BABAM2: variants seen among roughly 807,000 people sequenced by gnomAD.
BABAM2 encodes the protein BRISC and BRCA1-A complex member 2.
BABAM2 carries 31 observed loss-of-function variants against 54.7 expected under a neutral mutation model. The ratio of observed to expected loss-of-function variants is 0.57; its 90% CI spans 0.43 to 0.77. BABAM2 has a LOEUF of 0.77. BABAM2 is among the 30% of genes least tolerant of loss of function. BABAM2 has a pLI of 0.00. For synonymous variants in BABAM2, 167 were observed against 162.9 expected (o/e 1.03, Z -0.19); for missense variants, 364 against 455.8 (o/e 0.80, Z 1.83).
chr2:28,303,738 T>A (rs1449384412), intron 11 of BABAM2, among the ~76,000 whole-genome samples: 3 of 151,928 alleles, frequency 2.0e-5, no homozygotes, highest in Non-Finnish European at 4.4e-5. Flanking sequence ...AGCCTGCTGA[T>A]CAACAAGGGA....
chr2:28,331,665 C>T (rs1308831463), intron 11 of BABAM2, among the ~76,000 whole-genome samples: 2 of 152,116 alleles, frequency 1.3e-5, no homozygotes, highest in Admixed American at 6.5e-5. Flanking sequence ...AGTCAAGAAA[C>T]AATAGATGCC....
chr2:28,026,876 A>ATT (rs1675799499), intron 5 of BABAM2, among the ~76,000 whole-genome samples: 3 of 56,174 alleles, frequency 5.3e-5, no homozygotes, highest in African/African-American at 1.8e-4. Flanking sequence ...ATATATATTT[A>ATT]TATATATATA....
At chr2:28,042,951 G>T (rs914213975) in intron 5 of BABAM2, among the ~76,000 whole-genome samples, 10 of 151,820 alleles carry the variant, frequency 6.6e-5, no homozygotes, top group African/African-American at 2.4e-4. Context: ...GTGAACCCAG[G>T]AGGTGGAGCT....
At chr2:27,916,373 GA>G (rs1558584172) in intron 2 of BABAM2, among the ~76,000 whole-genome samples, 1 of 152,168 alleles carries the variant, frequency 6.6e-6, no homozygotes, top group Non-Finnish European at 1.5e-5. Context: ...TTGAATGTAT[GA>G]AAATGGTATT....
intron 11 of BABAM2, among the ~76,000 whole-genome samples, chr2:28,326,028 C>T (rs917124288): frequency 1.3e-5 from 2 of 152,238 alleles, no homozygotes; most frequent in African/African-American, 4.8e-5. Context: ...GCGCACAAAC[C>T]TCGGAGCACT....
chr2:28,311,918 C>T (rs370943883), intron 11 of BABAM2, among the ~76,000 whole-genome samples: 31 of 152,308 alleles, frequency 2.0e-4, no homozygotes, highest in African/African-American at 7.0e-4. Flanking sequence ...AGTTGCAGAA[C>T]GTGCACACAT....
intron 5 of BABAM2, among the ~76,000 whole-genome samples, chr2:28,030,601 G>T (rs990506687): frequency 5.9e-5 from 9 of 152,184 alleles, no homozygotes; most frequent in Non-Finnish European, 1.2e-4. Context: ...AATATTAAAG[G>T]ACAGCCTGCT....
chr2:27,979,727 G>A (rs1238600377), intron 3 of BABAM2, among the ~76,000 whole-genome samples: 1 of 152,116 alleles, frequency 6.6e-6, no homozygotes, highest in Admixed American at 6.5e-5. Flanking sequence ...TGTATTAGTT[G>A]TATTAGTATT....
At chr2:28,332,529 G>A (rs930132038) in intron 11 of BABAM2, among the ~76,000 whole-genome samples, 3 of 152,190 alleles carry the variant, frequency 2.0e-5, no homozygotes, top group East Asian at 1.9e-4. Context: ...TGAGTCCTGT[G>A]CCTCCTAGTG....
chr2:28,333,486 G>GC (rs1691144608), intron 11 of BABAM2, among the ~76,000 whole-genome samples: 1 of 152,216 alleles, frequency 6.6e-6, no homozygotes. Flanking sequence ...CCTCCACCAT[G>GC]CCATGCCTGT....
intron 11 of BABAM2, among the ~76,000 whole-genome samples, chr2:28,338,207 C>T (rs1425729930): frequency 6.6e-6 from 1 of 152,200 alleles, no homozygotes; most frequent in Non-Finnish European, 1.5e-5. Flanking sequence ...TAGGAATTGG[C>T]AGCCAGGAGG....
intron 7 of BABAM2, among the ~76,000 whole-genome samples, chr2:28,170,278 A>G (rs1257607968): frequency 3.9e-5 from 6 of 152,264 alleles, no homozygotes; most frequent in Middle Eastern, 3.4e-3. Flanking sequence ...AAATCTGTAT[A>G]TCAAAATTAA....
intron 4 of BABAM2, among the ~76,000 whole-genome samples, chr2:28,021,567 C>G (rs1449674083): frequency 6.6e-6 from 1 of 152,122 alleles, no homozygotes; most frequent in East Asian, 1.9e-4. Flanking sequence ...ATTATACTTC[C>G]TTAACACTAA....
intron 11 of BABAM2, among the ~76,000 whole-genome samples, chr2:28,314,093 A>G (rs1409973806): frequency 6.6e-6 from 1 of 152,196 alleles, no homozygotes; most frequent in Admixed American, 6.5e-5. Flanking sequence ...AAGATCACGT[A>G]TTTTCTCAGA....
At chr2:28,260,057 T>G (rs770424773) in intron 10 of BABAM2, among the ~76,000 whole-genome samples, 9 of 151,742 alleles carry the variant, frequency 5.9e-5, no homozygotes, top group African/African-American at 1.2e-4. Flanking sequence ...CATGCCACCA[T>G]GCCTGGCTAA....
chr2:28,022,062 C>T (rs1366788395), intron 4 of BABAM2, among the ~76,000 whole-genome samples: 1 of 152,106 alleles, frequency 6.6e-6, no homozygotes, highest in African/African-American at 2.4e-5. Context: ...TAAGGAGGAG[C>T]TCTGAGGATT....
intron 11 of BABAM2, among the ~76,000 whole-genome samples, chr2:28,310,904 A>G (rs1425781959): frequency 6.6e-6 from 1 of 151,268 alleles, no homozygotes. Context: ...ATAAAGAAAA[A>G]AAGAGTAACT....
chr2:28,203,946 A>G (rs968498380), intron 7 of BABAM2, among the ~76,000 whole-genome samples: 3 of 152,166 alleles, frequency 2.0e-5, no homozygotes, highest in African/African-American at 7.2e-5. Flanking sequence ...TTGTCCTCCT[A>G]CATCCTTGCC....
intron 6 of BABAM2, among the ~76,000 whole-genome samples, chr2:28,058,203 A>G (rs1312783306): frequency 6.6e-6 from 1 of 152,168 alleles, no homozygotes; most frequent in South Asian, 2.1e-4. Flanking sequence ...ACAGTAGCAC[A>G]GTTGGAAAAC....
Sources: allele counts gnomAD v4.1 joint callset (sites outside exome capture counted in the v4.1 genomes callset), GRCh38; gene constraint gnomAD v4.1.1; transcripts MANE v1.5; gene names NCBI Gene and HGNC (gene_info 2026-07-23, HGNC 2026-07-21).